TULP4: variants seen among roughly 807,000 people sequenced by gnomAD.
TULP4 encodes TUB like protein 4, also known as tubby-related protein 4.
Under a neutral mutation model 129.0 loss-of-function variants are expected in TULP4, and 16 were observed. The observed-to-expected ratio is 0.12, with a 90% CI of 0.08 to 0.19. The LOEUF (loss-of-function observed/expected upper bound fraction) is 0.19. Ranked by LOEUF, TULP4 falls within the 10% of genes least tolerant of loss-of-function variation. TULP4 has a pLI of 1.00. For synonymous variants in TULP4, 998 were observed against 854.0 expected (o/e 1.17, Z -2.94); for missense variants, 1,842 against 2,059.1 (o/e 0.89, Z 2.04).
intron 1 of TULP4, among the ~76,000 whole-genome samples, chr6:158,336,082 C>A (rs1340912156): frequency 6.6e-6 from 1 of 152,152 alleles, no homozygotes; most frequent in Non-Finnish European, 1.5e-5. Context: ...CATTTTCTCC[C>A]ACAGCTTCAC....
In TULP4 at chr6:158,251,165, A is replaced by G. The variant is rs190750793; in HGVS notation, n.68+18862A>G. ...ATTTTGTGTCCGCCTGGCCTTAAGTACTGTCTGTTACCACATAATATTATT... is the reference window on the plus strand; with the variant it reads ...ATTTTGTGTCCGCCTGGCCTTAAGTGCTGTCTGTTACCACATAATATTATT... On this transcript the variant is annotated intron_variant and non_coding_transcript_variant, in intron 1 of 1. Coordinates refer to the TULP4 transcript ENST00000620026. 7.2e-4 allele frequency among the ~76,000 whole-genome samples: 110 copies of G among 152,300 alleles called. 1 individual carries two copies. Among genetic ancestry groups the G allele is most frequent in the African/African-American group, 2.6e-3 (108 of 41,546 alleles).
Position 158,469,144 on chromosome 6 carries a change from C to T in TULP4, c.1026+7415C>T, listed in dbSNP as rs145168996. Among the ~76,000 whole-genome samples the T allele has an allele frequency of 7.8e-4, 119 of 151,948 alleles. 1 individual carries two copies. In the East Asian group the frequency reaches 0.016, roughly 21 times the overall value. ...CGTCAGTGTTATTATCTCAGTAAGACGGAATCAGGACAAAAATCCAGAACG... is the reference window on the plus strand; with the variant it reads ...CGTCAGTGTTATTATCTCAGTAAGATGGAATCAGGACAAAAATCCAGAACG... On this transcript the variant is annotated intron_variant, in intron 6 of 13. Coordinates refer to ENST00000367097, the MANE Select transcript of TULP4 (RefSeq NM_020245.5).
At chr6:158,340,114 G>A (rs910358750) in intron 1 of TULP4, among the ~76,000 whole-genome samples, 1 of 152,124 alleles carries the variant, frequency 6.6e-6, no homozygotes, top group Non-Finnish European at 1.5e-5. Context: ...CCTTACTGTA[G>A]GCAGTAGGAC....
chr6:158,496,267 A>G (rs1780336463), intron 11 of TULP4, among the ~76,000 whole-genome samples: 1 of 152,210 alleles, frequency 6.6e-6, no homozygotes. Flanking sequence ...TGCGTAACCT[A>G]CTAAAACTGG....
intron 6 of TULP4, among the ~76,000 whole-genome samples, chr6:158,464,994 T>C (rs1040136597): frequency 3.3e-5 from 5 of 152,232 alleles, no homozygotes; most frequent in African/African-American, 1.2e-4. Context: ...TTCAACGTGA[T>C]GGTATGTCAT....
chr6:158,450,277 A>G (rs1038443829), intron 4 of TULP4, among the ~76,000 whole-genome samples: 19 of 152,250 alleles, frequency 1.2e-4, no homozygotes, highest in Admixed American at 1.0e-3. Flanking sequence ...GGTGCTTTCT[A>G]ACCTTTCCTG....
chr6:158,273,959 G>T (rs553479855), intron 1 of TULP4, among the ~76,000 whole-genome samples: 1 of 152,078 alleles, frequency 6.6e-6, no homozygotes, highest in Non-Finnish European at 1.5e-5. Flanking sequence ...CACGTCCCTC[G>T]GTTAAAACCT....
At chr6:158,387,412 T>TA (rs928291860) in intron 1 of TULP4, among the ~76,000 whole-genome samples, 26 of 151,898 alleles carry the variant, frequency 1.7e-4, no homozygotes, top group East Asian at 5.8e-4. Context: ...CTGATTAATC[T>TA]AAAAAAAAGG....
At chr6:158,355,019 T>C (rs1470937890) in intron 1 of TULP4, among the ~76,000 whole-genome samples, 2 of 152,126 alleles carry the variant, frequency 1.3e-5, no homozygotes, top group Non-Finnish European at 2.9e-5. Flanking sequence ...GAGGAAGTTC[T>C]TCAGGGGATG....
Position 158,338,980 on chromosome 6 carries a change from A to G in TULP4, c.252+24712A>G, listed in dbSNP as rs1341467746. Among the ~76,000 whole-genome samples, 3 of 152,306 alleles carry G rather than the reference A, an allele frequency of 2.0e-5. No individual in the cohort carries two copies. The East Asian group carries it at 5.8e-4, about 29-fold the overall frequency. ...GCGGGCAGGCATTCCCTGTGCTTGC[A>G]TGTAAGACTGAGTCTTACACTTGGG... On this transcript the variant is annotated intron_variant, in intron 1 of 13. Coordinates refer to ENST00000367097, the MANE Select transcript of TULP4 (RefSeq NM_020245.5).
intron 1 of TULP4, among the ~76,000 whole-genome samples, chr6:158,246,023 GGTGTGTGTGT>G (rs66690741): frequency 4.1e-4 from 60 of 145,854 alleles, no homozygotes; most frequent in African/African-American, 4.8e-4. Context: ...ACCCCTTAGG[GGTGTGTGTGT>G]GTGTGTGTGT....
chr6:158,501,767 TC>T lies in TULP4; in HGVS notation c.2109del (p.Thr704ArgfsTer4). On this transcript the variant is annotated frameshift_variant, in exon 13 of 14. Coordinates refer to ENST00000367097, the MANE Select transcript of TULP4 (RefSeq NM_020245.5). LOFTEE classifies it high-confidence loss of function. Reference sequence around the variant, plus strand: ...GATCCACAGCTCGGCTCAGGCTATGTCCCCCACGCAGAGCATAGGGCTGGTG... The same window carrying T: ...GATCCACAGCTCGGCTCAGGCTATGTCCCCACGCAGAGCATAGGGCTGGTG... ...APIHSSAQAM[S>X]PTQSIGLVQS... 6.2e-7 allele frequency: 1 copy of T among 1,614,026 alleles called. No individual in the cohort carries two copies. Among genetic ancestry groups the T allele is most frequent in the Non-Finnish European group, 8.5e-7 (1 of 1,179,982 alleles).
intron 1 of TULP4, among the ~76,000 whole-genome samples, chr6:158,369,683 A>G (rs1225094744): frequency 6.6e-6 from 1 of 152,178 alleles, no homozygotes; most frequent in Non-Finnish European, 1.5e-5. Flanking sequence ...CAGAACAGAC[A>G]ATGCTATCAT....
chr6:158,367,365 A>G (rs1163382425), intron 1 of TULP4, among the ~76,000 whole-genome samples: 2 of 152,244 alleles, frequency 1.3e-5, no homozygotes, highest in Non-Finnish European at 2.9e-5. Flanking sequence ...ACAAGCTTCT[A>G]AAGTCTCTTC....
chr6:158,232,486 G>A (rs1777614743), intron 1 of TULP4, among the ~76,000 whole-genome samples: 1 of 150,888 alleles, frequency 6.6e-6, no homozygotes, highest in Admixed American at 6.6e-5. Flanking sequence ...CTTGGGAGGG[G>A]GCGGCGCAAG....
intron 1 of TULP4, among the ~76,000 whole-genome samples, chr6:158,389,204 C>T (rs529842135): frequency 1.3e-5 from 2 of 152,314 alleles, no homozygotes; most frequent in African/African-American, 4.8e-5. Flanking sequence ...AATCCCAGCA[C>T]TTTGGGAGGC....
upstream of TULP4, among the ~76,000 whole-genome samples, chr6:158,277,997 G>A (rs971375364): frequency 6.6e-6 from 1 of 152,274 alleles, no homozygotes; most frequent in Non-Finnish European, 1.5e-5. Context: ...TTTTGCTGCT[G>A]TGGCCTTTGA....
rs898174826 is a variant in TULP4, at chr6:158,384,302, T to C, written c.253-28763T>C. Among the ~76,000 whole-genome samples, 12 of 151,200 alleles carry C rather than the reference T, an allele frequency of 7.9e-5. 1 individual carries two copies. The highest frequency in any genetic ancestry group is 4.2e-4 in the South Asian group (2 of 4,772). On this transcript the variant is annotated intron_variant, in intron 1 of 13. Coordinates refer to ENST00000367097, the MANE Select transcript of TULP4 (RefSeq NM_020245.5). ...ATGCCTGTTTAGCTTTTTTTTTTTT[T>C]CTTGAGACAGAGTCTCGCTCTGTGA...
At chr6:158,481,885 T>A (rs1232126335) in intron 8 of TULP4, among the ~76,000 whole-genome samples, 3 of 152,218 alleles carry the variant, frequency 2.0e-5, no homozygotes, top group Non-Finnish European at 4.4e-5. Context: ...CTCTCTGGGA[T>A]CCTAGATTGT....
Sources: allele counts gnomAD v4.1 joint callset (sites outside exome capture counted in the v4.1 genomes callset), GRCh38; gene constraint gnomAD v4.1.1; transcripts MANE v1.5; gene names NCBI Gene and HGNC (gene_info 2026-07-23, HGNC 2026-07-21).